The following KHDRBS2 variants were observed in gnomAD, a reference collection of about 807,000 sequenced individuals.
The protein encoded by KHDRBS2 is KH domain-containing, RNA-binding, signal transduction-associated protein 2.
In KHDRBS2, 26 loss-of-function variants were observed where a neutral mutation model predicts 44.3. The observed-to-expected ratio is 0.59, with a 90% confidence interval of 0.43 to 0.81. The LOEUF (loss-of-function observed/expected upper bound fraction) is 0.81, where lower values mean the gene tolerates loss of function less well. Ranked by LOEUF, KHDRBS2 falls within the 40% of genes least tolerant of loss-of-function variation. KHDRBS2 has a pLI of 0.00. For synonymous variants in KHDRBS2, 194 were observed against 151.1 expected (o/e 1.28, Z -2.08); for missense variants, 476 against 433.1 (o/e 1.10, Z -0.88).
chr6:61,987,057 G>A (rs1297581159), intron 3 of KHDRBS2, among the ~76,000 whole-genome samples: 2 of 152,068 alleles, frequency 1.3e-5, no homozygotes, highest in Non-Finnish European at 2.9e-5. Flanking sequence ...ACATATCATG[G>A]CAATTAACAG....
chr6:61,949,147 A>C (rs777742992), intron 4 of KHDRBS2, among the ~76,000 whole-genome samples: 27 of 152,212 alleles, frequency 1.8e-4, no homozygotes, highest in Non-Finnish European at 3.7e-4. Context: ...GTCCCACTGA[A>C]TAGTGGTAAT....
At position 61,971,533 on chromosome 6, in the gene KHDRBS2, G is replaced by A. The variant is rs117263615; in HGVS notation, c.483+6533C>T. Among the ~76,000 whole-genome samples the A allele has an allele frequency of 7.2e-5, 11 of 152,184 alleles. No homozygotes were observed. The East Asian group carries it at 2.1e-3, about 29-fold the overall frequency. Reference sequence around the variant, plus strand: ...TCAGTTTCAAAATATGCTATACTCTGGAGGTGTTTCTTGGTGTATTTTAAA... The same window carrying A: ...TCAGTTTCAAAATATGCTATACTCTAGAGGTGTTTCTTGGTGTATTTTAAA... On this transcript the variant is annotated intron_variant, in intron 4 of 8. Transcript: ENST00000281156.
intron 2 of KHDRBS2, among the ~76,000 whole-genome samples, chr6:62,065,483 G>T (rs1584470995): frequency 6.6e-6 from 1 of 151,752 alleles, no homozygotes; most frequent in South Asian, 2.1e-4. Context: ...ATCCTTTGTA[G>T]GGACATGGAT....
chr6:61,570,488 C>G, the KHDRBS2 span, among the ~76,000 whole-genome samples: 23 of 151,908 alleles, frequency 1.5e-4, no homozygotes, highest in Non-Finnish European at 8.8e-5. Context: ...GTTTGAAAAA[C>G]TTATTTGAGG....
intron 6 of KHDRBS2, among the ~76,000 whole-genome samples, chr6:61,879,503 C>T (rs1423019590): frequency 6.6e-6 from 1 of 151,870 alleles, no homozygotes; most frequent in Non-Finnish European, 1.5e-5. Flanking sequence ...GACCCTAAAA[C>T]TCCTTAATTA....
intron 3 of KHDRBS2, among the ~76,000 whole-genome samples, chr6:62,019,517 A>G (rs1434225336): frequency 1.3e-5 from 2 of 152,060 alleles, no homozygotes; most frequent in Non-Finnish European, 2.9e-5. Flanking sequence ...CTTGTGTAGA[A>G]TTGGTATTAT....
intron 2 of KHDRBS2, among the ~76,000 whole-genome samples, chr6:62,054,235 A>G (rs1402664414): frequency 6.6e-6 from 1 of 152,132 alleles, no homozygotes; most frequent in Non-Finnish European, 1.5e-5. Context: ...CAGAAGCAAA[A>G]GAACAAGTCA....
At chr6:61,567,280 A>G in the KHDRBS2 span, among the ~76,000 whole-genome samples, 2 of 152,334 alleles carry the variant, frequency 1.3e-5, no homozygotes, top group Non-Finnish European at 2.9e-5. Flanking sequence ...AAGAAAAGGG[A>G]GGCCAAGGGC....
At chr6:61,797,048 T>C (rs1168551059) in intron 6 of KHDRBS2, among the ~76,000 whole-genome samples, 1 of 152,156 alleles carries the variant, frequency 6.6e-6, no homozygotes, top group Non-Finnish European at 1.5e-5. Context: ...CTGGTCTTTA[T>C]AGAAATAAGC....
At chr6:62,085,848 G>A (rs1268588219) in intron 2 of KHDRBS2, among the ~76,000 whole-genome samples, 3 of 152,122 alleles carry the variant, frequency 2.0e-5, no homozygotes, top group Non-Finnish European at 1.5e-5. Flanking sequence ...AGTGATGGGA[G>A]GGAAAAATAA....
At chr6:61,565,705 G>A in the KHDRBS2 span, among the ~76,000 whole-genome samples, 1 of 152,098 alleles carries the variant, frequency 6.6e-6, no homozygotes, top group Non-Finnish European at 1.5e-5. Flanking sequence ...TACCCTGTTG[G>A]TGGGAATGTA....
chr6:62,199,134 T>C lies in KHDRBS2; in HGVS notation c.92-21822A>G, dbSNP rs115685214. 9.4e-3 allele frequency among the ~76,000 whole-genome samples: 1,425 copies of C among 152,114 alleles called. 25 individuals carry two copies. Among genetic ancestry groups the C allele is most frequent in the African/African-American group, 0.033 (1,365 of 41,512 alleles). On this transcript the variant is annotated intron_variant, in intron 1 of 8. Coordinates refer to ENST00000281156, the MANE Select transcript of KHDRBS2 (RefSeq NM_152688.4). ...TGACAGACCCACAATCAGTATCATA[T>C]TGGATGGGCAAAAACTGGAAGCATT... is the stretch of plus-strand genomic sequence containing the variant.
At chr6:62,261,582 C>T (rs2150181977) in intron 1 of KHDRBS2, among the ~76,000 whole-genome samples, 1 of 151,840 alleles carries the variant, frequency 6.6e-6, no homozygotes, top group Middle Eastern at 3.4e-3. Context: ...AACCATTTCC[C>T]ATTAGTGGCA....
chr6:62,206,705 T>C (rs1828034714), intron 1 of KHDRBS2, among the ~76,000 whole-genome samples: 2 of 152,098 alleles, frequency 1.3e-5, no homozygotes, highest in South Asian at 4.1e-4. Context: ...ATTCTATATC[T>C]GTTTTTCTGT....
At chr6:62,159,068 A>G (rs996086405) in intron 2 of KHDRBS2, among the ~76,000 whole-genome samples, 2 of 149,082 alleles carry the variant, frequency 1.3e-5, no homozygotes, top group Non-Finnish European at 2.9e-5. Context: ...TTAATGAATT[A>G]ATTGGAATTA....
At chr6:61,727,911 T>A (rs770820088) in intron 7 of KHDRBS2, among the ~76,000 whole-genome samples, 35 of 152,092 alleles carry the variant, frequency 2.3e-4, no homozygotes, top group Non-Finnish European at 3.4e-4. Context: ...GACCCAGCAA[T>A]CCCATTACTG....
At chr6:62,023,835 C>T (rs1045351600) in intron 3 of KHDRBS2, among the ~76,000 whole-genome samples, 5 of 150,628 alleles carry the variant, frequency 3.3e-5, no homozygotes, top group Non-Finnish European at 5.9e-5. Context: ...TAGATATGCG[C>T]AAATAATTTA....
intron 6 of KHDRBS2, among the ~76,000 whole-genome samples, chr6:61,844,056 G>A (rs1312878573): frequency 1.3e-5 from 2 of 152,088 alleles, no homozygotes; most frequent in Non-Finnish European, 2.9e-5. Context: ...TGCCTTTAGG[G>A]TACAGGGATG....
the KHDRBS2 span, among the ~76,000 whole-genome samples, chr6:61,552,049 C>A: frequency 6.6e-5 from 10 of 151,584 alleles, no homozygotes; most frequent in Admixed American, 5.9e-4. Context: ...GCTCAAGGAG[C>A]TTTGGGCATT....
Sources: gnomAD v4.1 joint callset for allele counts (sites outside exome capture counted in the v4.1 genomes callset) on GRCh38, gnomAD v4.1.1 for gene constraint, MANE v1.5 for transcripts, NCBI Gene and HGNC (gene_info 2026-07-23, HGNC 2026-07-21) for gene names.